The following PRR16 variants were observed in gnomAD, a reference collection of about 807,000 sequenced individuals.
The protein encoded by PRR16 is protein Largen.
PRR16 carries 6 observed loss-of-function variants against 18.2 expected under a neutral mutation model. The ratio of observed to expected loss-of-function variants is 0.33; its 90% CI spans 0.18 to 0.65. PRR16 has a LOEUF of 0.65. Among genes scored for constraint, PRR16 ranks in the 30% least tolerant of loss-of-function variants. The probability of loss-of-function intolerance (pLI) is 0.74; values close to 1 mark genes in which losing one functional copy is unlikely to be tolerated. For synonymous variants in PRR16, 151 were observed against 147.8 expected, an observed-to-expected ratio of 1.02 and a Z score of -0.16; for missense variants, 412 against 376.6, an observed-to-expected ratio of 1.09 and a Z score of -0.78.
intron 1 of PRR16, among the ~76,000 whole-genome samples, chr5:120,546,071 A>AT (rs927343014): frequency 6.6e-6 from 1 of 152,050 alleles, no homozygotes; most frequent in African/African-American, 2.4e-5. Context: ...GCATAAGGGT[A>AT]TTTTTATCAC....
chr5:120,523,378 T>A (rs1457043586), intron 1 of PRR16, among the ~76,000 whole-genome samples: 6 of 152,202 alleles, frequency 3.9e-5, no homozygotes, highest in Admixed American at 1.3e-4. Context: ...GTTGACATCA[T>A]CATTATTATT....
chr5:120,631,294 C>G (rs543260805), intron 1 of PRR16, among the ~76,000 whole-genome samples: 1 of 152,120 alleles, frequency 6.6e-6, no homozygotes, highest in East Asian at 1.9e-4. Flanking sequence ...ACTTTTGCAC[C>G]AAGAACTACT....
At chr5:120,502,803 C>T (rs1039257350) in intron 1 of PRR16, among the ~76,000 whole-genome samples, 1 of 152,120 alleles carries the variant, frequency 6.6e-6, no homozygotes, top group Non-Finnish European at 1.5e-5. Context: ...CTCATAACTC[C>T]AACAAACTAT....
intron 1 of PRR16, among the ~76,000 whole-genome samples, chr5:120,629,847 A>C (rs1754996382): frequency 6.6e-6 from 1 of 151,986 alleles, no homozygotes; most frequent in Non-Finnish European, 1.5e-5. Flanking sequence ...GCATTTTAAA[A>C]ATATTAACCC....
chr5:120,759,565 T>C, the PRR16 span, among the ~76,000 whole-genome samples: 3 of 152,086 alleles, frequency 2.0e-5, no homozygotes, highest in African/African-American at 7.2e-5. Context: ...GATTTTGTCT[T>C]TAGAAAGAGT....
the PRR16 span, among the ~76,000 whole-genome samples, chr5:120,699,620 G>C: frequency 3.3e-5 from 5 of 152,178 alleles, no homozygotes. Flanking sequence ...AGAGTGAGTT[G>C]AGCATAGTTT....
chr5:120,614,710 G>T (rs72792297), intron 1 of PRR16, among the ~76,000 whole-genome samples: 16,917 of 152,194 alleles, frequency 0.11, 1,227 homozygotes, highest in Non-Finnish European at 0.15. Context: ...GAATGATTTG[G>T]TAATAGTTTT....
the PRR16 span, among the ~76,000 whole-genome samples, chr5:120,788,362 C>T: frequency 1.0e-3 from 154 of 152,118 alleles, 1 homozygote; most frequent in Non-Finnish European, 1.7e-3. Context: ...ATTACATAAC[C>T]GTTAAAACTA....
At chr5:120,688,930 A>T (rs552220949), downstream of PRR16, among the ~76,000 whole-genome samples, 1 of 152,304 alleles carries the variant, frequency 6.6e-6, no homozygotes, top group South Asian at 2.1e-4. Flanking sequence ...TTCTCTAAGT[A>T]TAGGCAAAGC....
At chr5:120,621,969 T>G (rs572908114) in intron 1 of PRR16, among the ~76,000 whole-genome samples, 2 of 152,300 alleles carry the variant, frequency 1.3e-5, no homozygotes, top group East Asian at 3.9e-4. Flanking sequence ...TCAGTTCCAT[T>G]TCATGTCACC....
At chr5:120,648,934 G>A (rs1202308720) in intron 1 of PRR16, among the ~76,000 whole-genome samples, 3 of 152,150 alleles carry the variant, frequency 2.0e-5, no homozygotes, top group Admixed American at 6.6e-5. Flanking sequence ...AGATATAAAT[G>A]CCCTCAAGAC....
chr5:120,707,846 A>G, the PRR16 span, among the ~76,000 whole-genome samples: 77,704 of 151,928 alleles, frequency 0.51, 20,474 homozygotes, highest in Middle Eastern at 0.58. Context: ...AGGGGCTCTT[A>G]AGGGGCAATT....
chr5:120,621,245 G>A (rs1186837564), intron 1 of PRR16, among the ~76,000 whole-genome samples: 1 of 151,934 alleles, frequency 6.6e-6, no homozygotes, highest in Non-Finnish European at 1.5e-5. Context: ...GGATTTTTTT[G>A]AAATATAAAG....
chr5:120,632,735 TA>T (rs1205375826), intron 1 of PRR16, among the ~76,000 whole-genome samples: 3 of 152,164 alleles, frequency 2.0e-5, no homozygotes, highest in African/African-American at 7.2e-5. Flanking sequence ...GGGACTGTGT[TA>T]AAATTCCAAA....
the PRR16 span, among the ~76,000 whole-genome samples, chr5:120,775,016 T>C: frequency 6.6e-6 from 1 of 152,162 alleles, no homozygotes; most frequent in Non-Finnish European, 1.5e-5. Context: ...GCATTGTTTT[T>C]CCGCACATAC....
At chr5:120,541,832 C>T (rs1393503493) in intron 1 of PRR16, among the ~76,000 whole-genome samples, 1 of 151,952 alleles carries the variant, frequency 6.6e-6, no homozygotes, top group African/African-American at 2.4e-5. Context: ...TTTCATCAAC[C>T]AAAAAGACAT....
At chr5:120,539,837 T>C (rs893119252) in intron 1 of PRR16, among the ~76,000 whole-genome samples, 3 of 152,220 alleles carry the variant, frequency 2.0e-5, no homozygotes, top group Non-Finnish European at 4.4e-5. Flanking sequence ...ATATTAGGTT[T>C]TTTTTTCTTT....
chr5:120,770,926 ACTCTCTCT>A, the PRR16 span, among the ~76,000 whole-genome samples: 1 of 131,362 alleles, frequency 7.6e-6, no homozygotes. Flanking sequence ...TCATTGGAAC[ACTCTCTCT>A]CTCTCTCTCT....
At chr5:120,763,702 C>G in the PRR16 span, among the ~76,000 whole-genome samples, 2 of 151,882 alleles carry the variant, frequency 1.3e-5, no homozygotes, top group Non-Finnish European at 2.9e-5. Context: ...ATTTCTTTCT[C>G]TTTGTTCATG....
Sources: gnomAD v4.1 joint callset for allele counts (sites outside exome capture counted in the v4.1 genomes callset) on GRCh38, gnomAD v4.1.1 for gene constraint, MANE v1.5 for transcripts, NCBI Gene and HGNC (gene_info 2026-07-23, HGNC 2026-07-21) for gene names.